Variants in PDE7B observed in about 807,000 individuals in gnomAD.
PDE7B encodes 3',5'-cyclic-AMP phosphodiesterase 7B.
In PDE7B, 29 loss-of-function variants were observed where a neutral mutation model predicts 56.2. The ratio of observed to expected loss-of-function variants is 0.52; its 90% CI spans 0.38 to 0.70. The LOEUF (loss-of-function observed/expected upper bound fraction) is 0.70. PDE7B is among the 30% of genes least tolerant of loss of function. The pLI, the probability that PDE7B is intolerant of heterozygous loss-of-function variation, is 0.00. For synonymous variants in PDE7B, 197 were observed against 196.9 expected, an observed-to-expected ratio of 1.00 and a Z score of 0.00; for missense variants, 490 against 565.0, an observed-to-expected ratio of 0.87 and a Z score of 1.35.
At chr6:136,149,699 T>TATAAAGACCTTCCTTAA (rs1261572289) in intron 5 of PDE7B, among the ~76,000 whole-genome samples, 20 of 152,212 alleles carry the variant, frequency 1.3e-4, no homozygotes, top group Non-Finnish European at 1.3e-4. Context: ...TTTTTGTGCC[T>TATAAAGACCTTCCTTAA]ATAAAGACCT....
chr6:136,174,272 G>A (rs1432024096), intron 9 of PDE7B, among the ~76,000 whole-genome samples: 1 of 152,122 alleles, frequency 6.6e-6, no homozygotes, highest in Non-Finnish European at 1.5e-5. Context: ...GCATTCTAAA[G>A]CTAGAGTTCA....
chr6:136,093,180 C>T (rs1037740792), intron 2 of PDE7B, among the ~76,000 whole-genome samples: 4 of 152,164 alleles, frequency 2.6e-5, no homozygotes, highest in Non-Finnish European at 5.9e-5. Context: ...TGAAAACAAA[C>T]GATGCTGCTT....
chr6:136,082,945 A>T (rs1172292269), intron 2 of PDE7B, among the ~76,000 whole-genome samples: 1 of 152,260 alleles, frequency 6.6e-6, no homozygotes, highest in South Asian at 2.1e-4. Flanking sequence ...CAGGAAAAGG[A>T]TGGCATCAAT....
intron 1 of PDE7B, among the ~76,000 whole-genome samples, chr6:135,892,193 A>T (rs1775820673): frequency 6.6e-6 from 1 of 152,152 alleles, no homozygotes; most frequent in African/African-American, 2.4e-5. Context: ...ATGACTTTAT[A>T]TTCCTGCCCT....
chr6:136,104,714 C>T (rs932078566), intron 2 of PDE7B, among the ~76,000 whole-genome samples: 1 of 152,150 alleles, frequency 6.6e-6, no homozygotes, highest in African/African-American at 2.4e-5. Context: ...GAACTGTTTT[C>T]ATGTTGTGAA....
chr6:136,166,816 A>G (rs563922484), intron 8 of PDE7B, among the ~76,000 whole-genome samples: 26 of 152,296 alleles, frequency 1.7e-4, no homozygotes, highest in Non-Finnish European at 3.1e-4. Flanking sequence ...TGTTGTCAAC[A>G]TACACCAAAA....
intron 7 of PDE7B, among the ~76,000 whole-genome samples, chr6:136,154,698 A>G (rs1304847927): frequency 1.3e-5 from 2 of 152,246 alleles, no homozygotes. Context: ...TTCTGATGCA[A>G]TAAACCAACC....
chr6:136,074,737 A>G lies in PDE7B; in HGVS notation c.83-33994A>G, dbSNP rs150623146. ...TCTAACGACCTCCGAGTGAATCCATATTGTTGCAAATGACTGGATCTCATT... is the reference window on the plus strand; with the variant it reads ...TCTAACGACCTCCGAGTGAATCCATGTTGTTGCAAATGACTGGATCTCATT... On this transcript the variant is annotated intron_variant, in intron 2 of 12. Transcript: ENST00000308191. 6.6e-5 allele frequency among the ~76,000 whole-genome samples: 10 copies of G among 152,248 alleles called. No homozygotes were observed. In the East Asian group the frequency reaches 1.9e-3, roughly 29 times the overall value.
At chr6:136,083,444 G>T (rs1345350873) in intron 2 of PDE7B, among the ~76,000 whole-genome samples, 1 of 152,086 alleles carries the variant, frequency 6.6e-6, no homozygotes, top group Non-Finnish European at 1.5e-5. Flanking sequence ...CATTTTAGAG[G>T]GTGAATTGGG....
At chr6:136,066,454 T>C (rs530192964) in intron 2 of PDE7B, among the ~76,000 whole-genome samples, 1 of 152,276 alleles carries the variant, frequency 6.6e-6, no homozygotes, top group South Asian at 2.1e-4. Context: ...CACCCACAAA[T>C]ATGAGAGATT....
intron 8 of PDE7B, among the ~76,000 whole-genome samples, chr6:136,169,407 TG>T (rs1244791856): frequency 6.6e-6 from 1 of 152,218 alleles, no homozygotes; most frequent in Admixed American, 6.5e-5. Flanking sequence ...AGCATTTCCC[TG>T]GTGCTCATCT....
intron 1 of PDE7B, among the ~76,000 whole-genome samples, chr6:135,888,264 C>T (rs1775744902): frequency 6.6e-6 from 1 of 152,266 alleles, no homozygotes; most frequent in East Asian, 1.9e-4. Context: ...AAGTAACCTG[C>T]TCAAGGTCAC....
intron 1 of PDE7B, among the ~76,000 whole-genome samples, chr6:135,883,191 G>A (rs1301369013): frequency 1.3e-5 from 2 of 152,112 alleles, no homozygotes; most frequent in African/African-American, 4.8e-5. Flanking sequence ...AAGTACTAAT[G>A]TGTATTCTAT....
intron 3 of PDE7B, among the ~76,000 whole-genome samples, chr6:136,140,149 A>C (rs1442402284): frequency 6.6e-6 from 1 of 152,152 alleles, no homozygotes; most frequent in Admixed American, 6.5e-5. Flanking sequence ...ATTTTTGTAT[A>C]AGGTGTAAGG....
At chr6:136,003,285 A>G (rs1432307627) in intron 2 of PDE7B, among the ~76,000 whole-genome samples, 2 of 151,432 alleles carry the variant, frequency 1.3e-5, no homozygotes, top group Non-Finnish European at 3.0e-5. Flanking sequence ...CATCACAATT[A>G]AAAGAACTAG....
chr6:135,905,680 C>CCGAG (rs2128192695), intron 1 of PDE7B, among the ~76,000 whole-genome samples: 1 of 152,274 alleles, frequency 6.6e-6, no homozygotes, highest in African/African-American at 2.4e-5. Context: ...TAACAGTCAG[C>CCGAG]CGAGCACAGC....
At chr6:135,969,370 A>G (rs1010887323) in intron 2 of PDE7B, among the ~76,000 whole-genome samples, 5 of 152,302 alleles carry the variant, frequency 3.3e-5, no homozygotes, top group South Asian at 2.1e-4. Flanking sequence ...ATATTAAAAT[A>G]TGCATTTTTC....
chr6:135,955,440 G>A (rs78579451), intron 2 of PDE7B, among the ~76,000 whole-genome samples: 4,719 of 152,162 alleles, frequency 0.031, 105 homozygotes, highest in African/African-American at 0.044. Context: ...AACAGGTACC[G>A]GCAGCTTAAT....
chr6:136,183,768 C>T lies in PDE7B; in HGVS notation c.1045+2445C>T, dbSNP rs560292365. 9.2e-5 allele frequency among the ~76,000 whole-genome samples: 14 copies of T among 152,098 alleles called. No homozygotes were observed. In the South Asian group the frequency reaches 1.0e-3, roughly 11 times the overall value. On this transcript the variant is annotated intron_variant, in intron 11 of 12. Transcript: ENST00000308191. ...ACTCATCTCAGCTCATTCCAGCCTG[C>T]TCCTGGCAGGCAGGCTTCCACAGAC... is the stretch of plus-strand genomic sequence containing the variant.
Sources: gnomAD v4.1 joint callset for allele counts (sites outside exome capture counted in the v4.1 genomes callset) on GRCh38, gnomAD v4.1.1 for gene constraint, MANE v1.5 for transcripts, NCBI Gene and HGNC (gene_info 2026-07-23, HGNC 2026-07-21) for gene names.